Variants in RASAL2 observed in about 807,000 individuals in gnomAD.
The protein encoded by RASAL2 is RAS protein activator like 2, also known as ras GTPase-activating protein nGAP.
In RASAL2, 58 loss-of-function variants were observed where a neutral mutation model predicts 128.9. The observed-to-expected ratio is 0.45, with a 90% CI of 0.36 to 0.56. The LOEUF (loss-of-function observed/expected upper bound fraction) is 0.56. Among genes scored for constraint, RASAL2 ranks in the 20% least tolerant of loss-of-function variants. The pLI is 0.00. For synonymous variants in RASAL2, 561 were observed against 580.8 expected (o/e 0.97, Z 0.49); for missense variants, 1,360 against 1,601.6 (o/e 0.85, Z 2.57).
intron 5 of RASAL2, among the ~76,000 whole-genome samples, chr1:178,423,409 C>T (rs1160218758): frequency 6.6e-6 from 1 of 152,084 alleles, no homozygotes; most frequent in African/African-American, 2.4e-5. Context: ...CTTCAGACAA[C>T]CTTTTCCATT....
chr1:178,102,693 A>C (rs1343409120), intron 1 of RASAL2, among the ~76,000 whole-genome samples: 1 of 151,974 alleles, frequency 6.6e-6, no homozygotes, highest in Non-Finnish European at 1.5e-5. Context: ...ATTTTTTTAA[A>C]TATGTTATTT....
chr1:178,432,575 G>T (rs1056807982), intron 5 of RASAL2, among the ~76,000 whole-genome samples: 2 of 151,980 alleles, frequency 1.3e-5, no homozygotes, highest in Admixed American at 6.6e-5. Flanking sequence ...AACTCAACTT[G>T]TATAAAACTT....
chr1:178,212,730 T>C (rs1002497708), intron 1 of RASAL2, among the ~76,000 whole-genome samples: 1 of 152,098 alleles, frequency 6.6e-6, no homozygotes, highest in African/African-American at 2.4e-5. Context: ...GACCTCATGA[T>C]CCACCTGCCT....
At chr1:178,193,485 G>A (rs1002642262) in intron 1 of RASAL2, among the ~76,000 whole-genome samples, 3 of 152,008 alleles carry the variant, frequency 2.0e-5, no homozygotes, top group African/African-American at 7.3e-5. Flanking sequence ...AAAAACTGAG[G>A]ACATGATTTT....
intron 14 of RASAL2, among the ~76,000 whole-genome samples, chr1:178,459,570 T>C (rs1678031074): frequency 6.6e-6 from 1 of 152,184 alleles, no homozygotes; most frequent in Non-Finnish European, 1.5e-5. Flanking sequence ...TATTTGCATT[T>C]TTACAGTTTA....
At chr1:178,119,992 G>A (rs911293257) in intron 1 of RASAL2, among the ~76,000 whole-genome samples, 4 of 152,210 alleles carry the variant, frequency 2.6e-5, no homozygotes, top group Non-Finnish European at 4.4e-5. Flanking sequence ...TAGCAATGCC[G>A]TTAGCTACTA....
chr1:178,168,286 A>G (rs939117140), intron 1 of RASAL2, among the ~76,000 whole-genome samples: 10 of 152,066 alleles, frequency 6.6e-5, no homozygotes, highest in African/African-American at 2.4e-4. Context: ...AAAAAAAAAA[A>G]ACTGTAGACC....
At chr1:178,126,534 T>C (rs745622940) in intron 1 of RASAL2, among the ~76,000 whole-genome samples, 1 of 152,230 alleles carries the variant, frequency 6.6e-6, no homozygotes, top group Non-Finnish European at 1.5e-5. Flanking sequence ...CTTTTAGTCA[T>C]TACCTTTTAA....
chr1:178,322,536 C>T (rs887957747), intron 3 of RASAL2, among the ~76,000 whole-genome samples: 3 of 152,148 alleles, frequency 2.0e-5, no homozygotes. Flanking sequence ...TGTTCCTTCC[C>T]TCCCCAACAA....
At chr1:178,212,760 G>A (rs1167297869) in intron 1 of RASAL2, among the ~76,000 whole-genome samples, 1 of 152,108 alleles carries the variant, frequency 6.6e-6, no homozygotes, top group African/African-American at 2.4e-5. Flanking sequence ...AAAAGTGTTG[G>A]GATTACAGGC....
intron 4 of RASAL2, among the ~76,000 whole-genome samples, chr1:178,402,110 G>T (rs571186998): frequency 1.0e-3 from 155 of 152,270 alleles, no homozygotes; most frequent in Non-Finnish European, 1.9e-3. Flanking sequence ...ATCTTTGGAA[G>T]TTTGCAGATA....
intron 3 of RASAL2, among the ~76,000 whole-genome samples, chr1:178,324,183 C>T (rs1013097023): frequency 8.5e-5 from 13 of 152,140 alleles, no homozygotes; most frequent in African/African-American, 3.1e-4. Flanking sequence ...TTCGCTCTGA[C>T]TCATAAAATC....
chr1:178,234,155 T>A (rs1330069283), intron 1 of RASAL2, among the ~76,000 whole-genome samples: 1 of 152,196 alleles, frequency 6.6e-6, no homozygotes, highest in Non-Finnish European at 1.5e-5. Context: ...TGTGAAAAAA[T>A]TATTTTTAAT....
At chr1:178,203,431 A>G (rs1662940259) in intron 1 of RASAL2, among the ~76,000 whole-genome samples, 1 of 152,220 alleles carries the variant, frequency 6.6e-6, no homozygotes, top group African/African-American at 2.4e-5. Flanking sequence ...AAGGCTGTGC[A>G]TGCTCTGAAT....
At chr1:178,352,286 G>C (rs1670555067) in intron 3 of RASAL2, among the ~76,000 whole-genome samples, 1 of 152,232 alleles carries the variant, frequency 6.6e-6, no homozygotes, top group South Asian at 2.1e-4. Context: ...AAAATGAGAT[G>C]TTTTGTGGCA....
At chr1:178,100,707 G>C (rs528263754) in intron 1 of RASAL2, among the ~76,000 whole-genome samples, 1 of 152,284 alleles carries the variant, frequency 6.6e-6, no homozygotes, top group Admixed American at 6.5e-5. Flanking sequence ...GAAGGATGAG[G>C]TAAGTTGAAA....
intron 1 of RASAL2, among the ~76,000 whole-genome samples, chr1:178,217,743 A>G (rs185375682): frequency 2.7e-4 from 41 of 152,344 alleles, no homozygotes; most frequent in African/African-American, 9.6e-4. Flanking sequence ...TCTTGCCTCA[A>G]TACTGATGAC....
intron 1 of RASAL2, among the ~76,000 whole-genome samples, chr1:178,180,922 A>G (rs546862837): frequency 4.9e-4 from 75 of 152,270 alleles, no homozygotes; most frequent in Admixed American, 5.9e-4. Context: ...CTCAGGTTTC[A>G]TATCACATAA....
chr1:178,263,722 G>A (rs1473542625), intron 1 of RASAL2, among the ~76,000 whole-genome samples: 3 of 151,446 alleles, frequency 2.0e-5, no homozygotes, highest in Admixed American at 6.6e-5. Flanking sequence ...CTCTAAAATC[G>A]TTTAAAAAAA....
Sources: gnomAD v4.1 joint callset for allele counts (sites outside exome capture counted in the v4.1 genomes callset) on GRCh38, gnomAD v4.1.1 for gene constraint, MANE v1.5 for transcripts, NCBI Gene and HGNC (gene_info 2026-07-23, HGNC 2026-07-21) for gene names.